Variants in ACOXL observed in about 807,000 individuals in gnomAD.
ACOXL encodes acyl-CoA oxidase like.
A neutral mutation model predicts 71.9 loss-of-function variants in ACOXL; 70 were observed. The ratio of observed to expected loss-of-function variants is 0.97; its 90% CI spans 0.80 to 1.19. ACOXL has a LOEUF of 1.19. Ranked by LOEUF, ACOXL falls within the 50% of genes most tolerant of loss-of-function variation. ACOXL has a pLI of 0.00. For missense variants in ACOXL, 703 were observed against 736.3 expected (o/e 0.95, Z 0.52); for synonymous variants, 253 against 281.6 (o/e 0.90, Z 1.02).
intron 10 of ACOXL, among the ~76,000 whole-genome samples, chr2:110,862,725 T>A (rs1337821811): frequency 6.6e-6 from 1 of 152,200 alleles, no homozygotes; most frequent in East Asian, 1.9e-4. Flanking sequence ...TGGACACTCA[T>A]AGCCCCCTCA....
intron 9 of ACOXL, among the ~76,000 whole-genome samples, chr2:110,824,791 C>T (rs1688988780): frequency 1.3e-5 from 2 of 152,124 alleles, no homozygotes; most frequent in Admixed American, 6.6e-5. Flanking sequence ...TCTAATAATT[C>T]CAACATCTGG....
chr2:110,911,105 T>C (rs1407881698), intron 11 of ACOXL, among the ~76,000 whole-genome samples: 1 of 152,100 alleles, frequency 6.6e-6, no homozygotes, highest in African/African-American at 2.4e-5. Flanking sequence ...AACAATAGTA[T>C]GCAACAAAAT....
chr2:110,798,282 A>G (rs1014063609), intron 5 of ACOXL, among the ~76,000 whole-genome samples: 3 of 138,196 alleles, frequency 2.2e-5, no homozygotes, highest in Admixed American at 1.5e-4. Context: ...TTTGAGATGG[A>G]GTCTCGCTCT....
chr2:110,798,946 T>C (rs17523470), intron 6 of ACOXL, 68 bp from the exon 7 acceptor site: 40,467 of 1,491,518 alleles, frequency 0.027, 601 homozygotes, highest in Middle Eastern at 0.034. Context: ...AGAAATGTTA[T>C]ACTATTCCAG....
At chr2:110,910,021 T>G (rs980248901) in intron 11 of ACOXL, among the ~76,000 whole-genome samples, 2 of 152,080 alleles carry the variant, frequency 1.3e-5, no homozygotes, top group African/African-American at 4.8e-5. Flanking sequence ...ATGCATAGAT[T>G]TTAGTTTTTA....
chr2:111,114,594 C>A (rs568580738), intron 17 of ACOXL, among the ~76,000 whole-genome samples: 1 of 152,164 alleles, frequency 6.6e-6, no homozygotes, highest in East Asian at 1.9e-4. Flanking sequence ...GGCAGGAAAA[C>A]CTTCTGCATG....
At chr2:110,963,720 T>C (rs372364140) in intron 12 of ACOXL, 13 of 1,613,762 alleles carry the variant, frequency 8.1e-6, no homozygotes, top group Non-Finnish European at 1.1e-5. Flanking sequence ...TCAGGTAAGA[T>C]TCGGGAAATG....
chr2:110,864,651 G>A lies in ACOXL; in HGVS notation c.788+23246G>A, dbSNP rs12621865. ...ATGCTCCCTCATTTTAGCCATGACG[G>A]TCTCTCCCAAGAAGAGAGAGCATTG... On this transcript the variant is annotated intron_variant, in intron 10 of 17. Coordinates refer to ENST00000439055, the MANE Select transcript of ACOXL (RefSeq NM_001142807.4). 1.9e-3 allele frequency among the ~76,000 whole-genome samples: 293 copies of A among 152,314 alleles called. 14 individuals carry two copies. The East Asian group carries it at 0.043, about 22-fold the overall frequency.
chr2:110,814,154 A>G (rs1687656030), intron 9 of ACOXL, among the ~76,000 whole-genome samples: 1 of 152,236 alleles, frequency 6.6e-6, no homozygotes, highest in African/African-American at 2.4e-5. Context: ...AAATGTGGAC[A>G]TTTCACTCAG....
intron 14 of ACOXL, among the ~76,000 whole-genome samples, chr2:111,015,730 C>G (rs1403838729): frequency 1.3e-5 from 2 of 152,180 alleles, no homozygotes; most frequent in Non-Finnish European, 2.9e-5. Context: ...AAATGTTCAA[C>G]ATGACACTAG....
chr2:111,105,485 A>G (rs1458769779), intron 17 of ACOXL, among the ~76,000 whole-genome samples: 3 of 152,114 alleles, frequency 2.0e-5, no homozygotes, highest in Non-Finnish European at 4.4e-5. Context: ...CTACTTATAG[A>G]GATCTACACT....
At chr2:110,916,388 A>G (rs1390429481) in intron 11 of ACOXL, among the ~76,000 whole-genome samples, 9 of 152,204 alleles carry the variant, frequency 5.9e-5, no homozygotes, top group Admixed American at 5.9e-4. Context: ...ATGTCCCAGA[A>G]TCTCTGGGAC....
At position 111,117,811 on chromosome 2, in the gene ACOXL, C is replaced by G. The variant is rs193151657; in HGVS notation, c.1738C>G (p.Leu580Val). 1 of 1,547,900 alleles carries G rather than the reference C, an allele frequency of 6.5e-7. No individual in the cohort carries two copies. Among genetic ancestry groups the G allele is most frequent in the African/African-American group, 1.4e-5 (1 of 73,014 alleles). The change falls in exon 18 of 18, where the codon CTC becomes GTC. Residue 580 changes from leucine to valine, a missense_variant. Physicochemically the swap from Leu to Val is conservative, Grantham distance 32. Transcript: ENST00000439055. ...CCGGCGGCCCAAGCTGGGAGCCAAG[C>G]TCTAACGGGTGTGGCGGGAAGTGTG... is the stretch of plus-strand genomic sequence containing the variant. The part of the protein sequence containing the change: ...RSRRPKLGAK[L>V]
intron 9 of ACOXL, among the ~76,000 whole-genome samples, chr2:110,827,360 A>AT (rs1239323735): frequency 2.0e-5 from 3 of 152,148 alleles, no homozygotes; most frequent in African/African-American, 7.2e-5. Context: ...TGAAAGGTGA[A>AT]TAAAGGTAGC....
chr2:110,945,566 G>C (rs1315501876), intron 12 of ACOXL, among the ~76,000 whole-genome samples: 1 of 152,138 alleles, frequency 6.6e-6, no homozygotes, highest in Non-Finnish European at 1.5e-5. Flanking sequence ...CATATGGCTA[G>C]CCAGTTATTT....
At chr2:111,070,895 G>T (rs996658660) in intron 16 of ACOXL, among the ~76,000 whole-genome samples, 1 of 151,922 alleles carries the variant, frequency 6.6e-6, no homozygotes, top group African/African-American at 2.4e-5. Flanking sequence ...TTTCACCAGC[G>T]CATGGCCCAC....
chr2:110,979,642 G>T (rs554510636), intron 12 of ACOXL, among the ~76,000 whole-genome samples: 1 of 152,064 alleles, frequency 6.6e-6, no homozygotes, highest in African/African-American at 2.4e-5. Flanking sequence ...GCGGGGCAGG[G>T]GTACCCTCCC....
At position 110,805,129 on chromosome 2, in the gene ACOXL, C is replaced by T. The variant is rs113819460; in HGVS notation, c.621-134C>T. On this transcript the variant is annotated intron_variant, in intron 8 of 17. Transcript: ENST00000439055. ...GACTCCCCCTGCCCTTATCGGCGCT[C>T]TGTCTCAAGGGGGAAGTTCCACGAT... 1.4e-3 allele frequency: 1,732 copies of T among 1,194,876 alleles called. 23 individuals are homozygous for T. The African/African-American group carries it at 0.021, about 15-fold the overall frequency. The allele number at this position is 1,194,876 out of a possible 1,614,324, so 74.0% of individuals were successfully genotyped here. A position where few individuals can be genotyped will look rare whatever the true frequency, so the allele number is the denominator to read the frequency against.
intron 1 of ACOXL, among the ~76,000 whole-genome samples, chr2:110,751,716 C>T (rs564366888): frequency 6.6e-6 from 1 of 152,294 alleles, no homozygotes; most frequent in South Asian, 2.1e-4. Flanking sequence ...TTCTCTTATA[C>T]CCTTGCCAGT....
Sources: gnomAD v4.1 joint callset for allele counts (sites outside exome capture counted in the v4.1 genomes callset) on GRCh38, gnomAD v4.1.1 for gene constraint, MANE v1.5 for transcripts, NCBI Gene and HGNC (gene_info 2026-07-23, HGNC 2026-07-21) for gene names.